Variants in SCFD1 observed in about 807,000 individuals in gnomAD.
The protein encoded by SCFD1 is sec1 family domain-containing protein 1.
SCFD1 carries 37 observed loss-of-function variants against 103.2 expected under a neutral mutation model. The observed-to-expected ratio is 0.36, with a 90% CI of 0.28 to 0.47. SCFD1 has a LOEUF of 0.47. Ranked by LOEUF, SCFD1 falls within the 20% of genes least tolerant of loss-of-function variation. SCFD1 has a pLI of 1.00. For synonymous variants in SCFD1, 264 were observed against 245.0 expected (o/e 1.08, Z -0.73); for missense variants, 639 against 761.2 (o/e 0.84, Z 1.89).
intron 17 of SCFD1, among the ~76,000 whole-genome samples, chr14:30,704,811 C>A (rs1319425603): frequency 6.6e-6 from 1 of 151,994 alleles, no homozygotes; most frequent in Non-Finnish European, 1.5e-5. Context: ...CTATGGTGTG[C>A]CACTAAAATG....
chr14:30,672,011 T>C (rs956900778), intron 11 of SCFD1, among the ~76,000 whole-genome samples: 1 of 143,208 alleles, frequency 7.0e-6, no homozygotes, highest in Non-Finnish European at 1.5e-5. Context: ...CAAAACTCCA[T>C]CTTAAAAAAA....
chr14:30,716,047 A>T, intron 20 of SCFD1, 70 bp downstream of exon 20: 1 of 868,232 alleles, frequency 1.2e-6, no homozygotes, highest in Non-Finnish European at 1.9e-6. Context: ...AAAGAGGATA[A>T]AATCAGATTG....
At chr14:30,732,201 A>G (rs111407708) in intron 23 of SCFD1, among the ~76,000 whole-genome samples, 3 of 152,092 alleles carry the variant, frequency 2.0e-5, no homozygotes, top group Admixed American at 1.3e-4. Context: ...ATTAGTTCCA[A>G]TTGTTTTTAA....
intron 10 of SCFD1, among the ~76,000 whole-genome samples, chr14:30,664,551 G>A (rs1302479552): frequency 6.6e-6 from 1 of 152,052 alleles, no homozygotes; most frequent in African/African-American, 2.4e-5. Flanking sequence ...AGAATGATGA[G>A]TTGACAGAAG....
At chr14:30,630,598 C>A in intron 3 of SCFD1, 33 bp downstream of exon 3, 1 of 1,223,740 alleles carries the variant, frequency 8.2e-7, no homozygotes, top group Non-Finnish European at 1.2e-6. Flanking sequence ...TAGTGGTATT[C>A]ATTTAAAGAA....
intron 15 of SCFD1, among the ~76,000 whole-genome samples, chr14:30,695,639 CAGG>C (rs1890643075): frequency 6.6e-6 from 1 of 152,100 alleles, no homozygotes; most frequent in Non-Finnish European, 1.5e-5. Flanking sequence ...GAGCTTGAGG[CAGG>C]AGGATTGCTT....
chr14:30,645,235 C>A (rs1885697777), intron 7 of SCFD1, among the ~76,000 whole-genome samples: 1 of 152,022 alleles, frequency 6.6e-6, no homozygotes, highest in Admixed American at 6.6e-5. Flanking sequence ...ACCGTAAAAG[C>A]CGTGTAGTAG....
chr14:30,623,014 T>C (rs942329650), intron 1 of SCFD1, among the ~76,000 whole-genome samples: 1 of 152,226 alleles, frequency 6.6e-6, no homozygotes, highest in Non-Finnish European at 1.5e-5. Context: ...ATAGAGCATG[T>C]TTATATAGCT....
chr14:30,625,535 A>T (rs1883301491), intron 1 of SCFD1, among the ~76,000 whole-genome samples: 1 of 152,148 alleles, frequency 6.6e-6, no homozygotes, highest in Non-Finnish European at 1.5e-5. Flanking sequence ...CTCTGATAAA[A>T]GTAAAATTAC....
intron 14 of SCFD1, among the ~76,000 whole-genome samples, chr14:30,679,846 A>G (rs1050630098): frequency 1.3e-5 from 2 of 152,206 alleles, no homozygotes; most frequent in Admixed American, 1.3e-4. Flanking sequence ...ATATCAAGTG[A>G]AAGTTCTTAT....
intron 10 of SCFD1, among the ~76,000 whole-genome samples, chr14:30,667,926 T>C (rs983927119): frequency 4.6e-5 from 7 of 152,194 alleles, no homozygotes. Context: ...TGGAAGAACA[T>C]TCCATGCTCA....
At chr14:30,674,692 A>T (rs1049755984) in intron 13 of SCFD1, among the ~76,000 whole-genome samples, 2 of 152,160 alleles carry the variant, frequency 1.3e-5, no homozygotes, top group Non-Finnish European at 2.9e-5. Flanking sequence ...CAGATAACGC[A>T]TGTTTCCATT....
At chr14:30,702,952 TAGTA>T (rs1891178231) in intron 17 of SCFD1, among the ~76,000 whole-genome samples, 1 of 152,176 alleles carries the variant, frequency 6.6e-6, no homozygotes, top group East Asian at 1.9e-4. Flanking sequence ...GCAGTAGTGT[TAGTA>T]AGTATATTGT....
chr14:30,626,806 G>A (rs1308554040), intron 1 of SCFD1, among the ~76,000 whole-genome samples: 2 of 152,108 alleles, frequency 1.3e-5, no homozygotes, highest in Non-Finnish European at 2.9e-5. Flanking sequence ...ACAACAGTAT[G>A]TACACACACA....
At chr14:30,674,906 G>T in intron 13 of SCFD1, 78 bp from the exon 14 acceptor site, 1 of 739,400 alleles carries the variant, frequency 1.4e-6, no homozygotes, top group Non-Finnish European at 2.2e-6. Context: ...TTCCACAGGG[G>T]AAACACCAGG....
intron 6 of SCFD1, among the ~76,000 whole-genome samples, chr14:30,641,843 A>T (rs1208242663): frequency 1.3e-5 from 2 of 152,064 alleles, no homozygotes; most frequent in Non-Finnish European, 1.5e-5. Context: ...ATTAAATTTT[A>T]TATGTGTTTT....
intron 3 of SCFD1, among the ~76,000 whole-genome samples, chr14:30,633,240 T>TC (rs1255545545): frequency 1.3e-5 from 2 of 152,192 alleles, no homozygotes; most frequent in East Asian, 3.8e-4. Flanking sequence ...TTCCTCTCTC[T>TC]CCTTGATTAT....
intron 23 of SCFD1, chr14:30,722,925 T>C (rs1483567628): frequency 6.4e-6 from 1 of 155,412 alleles, no homozygotes; most frequent in African/African-American, 2.4e-5. Context: ...TCCTATTAGC[T>C]TAAATCAGTG....
intron 7 of SCFD1, chr14:30,643,741 CTAAA>C (rs1885522242): frequency 6.4e-6 from 2 of 312,976 alleles, no homozygotes; most frequent in African/African-American, 4.4e-5. Flanking sequence ...AAACACATTT[CTAAA>C]TAGAGAAATA....
Sources: allele counts gnomAD v4.1 joint callset (sites outside exome capture counted in the v4.1 genomes callset), GRCh38; gene constraint gnomAD v4.1.1; transcripts MANE v1.5; gene names NCBI Gene and HGNC (gene_info 2026-07-23, HGNC 2026-07-21).